Variants in SHANK2 observed in about 807,000 individuals in gnomAD.
SHANK2 encodes the protein SH3 and multiple ankyrin repeat domains 2.
In SHANK2, 43 loss-of-function variants were observed where a neutral mutation model predicts 133.7. The observed-to-expected ratio is 0.32, with a 90% CI of 0.25 to 0.41. The LOEUF is 0.41. Ranked by LOEUF, SHANK2 falls within the 10% of genes least tolerant of loss-of-function variation. The pLI is 1.00. For missense variants in SHANK2, 1,994 were observed against 2,235.8 expected (o/e 0.89, Z 2.18); for synonymous variants, 1,017 against 952.8 (o/e 1.07, Z -1.24).
At chr11:71,201,322 C>T (rs1322380345) in intron 2 of SHANK2, among the ~76,000 whole-genome samples, 18 of 152,210 alleles carry the variant, frequency 1.2e-4, no homozygotes, top group Admixed American at 1.0e-3. Flanking sequence ...ATATGGGATC[C>T]GTTGTGATCC....
chr11:70,904,633 G>C (rs782422634), intron 10 of SHANK2, among the ~76,000 whole-genome samples: 3 of 151,702 alleles, frequency 2.0e-5, no homozygotes, highest in Non-Finnish European at 4.4e-5. Flanking sequence ...TCAGCCTCCT[G>C]AGTAGCTGGG....
chr11:70,503,540 CT>C (rs2059091906), intron 17 of SHANK2, among the ~76,000 whole-genome samples: 2 of 152,244 alleles, frequency 1.3e-5, no homozygotes, highest in Admixed American at 1.3e-4. Flanking sequence ...TGTCCCTGTG[CT>C]GGTCTGTACA....
intron 6 of SHANK2, among the ~76,000 whole-genome samples, chr11:71,097,604 A>G (rs1482988259): frequency 6.6e-6 from 1 of 152,188 alleles, no homozygotes; most frequent in Admixed American, 6.5e-5. Flanking sequence ...CCCTCCAACT[A>G]GAGGCTGCCC....
At chr11:70,491,585 C>A (rs2058887890) in intron 22 of SHANK2, among the ~76,000 whole-genome samples, 1 of 152,238 alleles carries the variant, frequency 6.6e-6, no homozygotes, top group Non-Finnish European at 1.5e-5. Context: ...AAAAGCTAGA[C>A]ATAGGCAGTT....
chr11:71,229,915 T>C (rs1399038552), intron 1 of SHANK2, among the ~76,000 whole-genome samples: 1 of 152,146 alleles, frequency 6.6e-6, no homozygotes, highest in African/African-American at 2.4e-5. Context: ...TGTTCATGGA[T>C]TGGAAGACTC....
In SHANK2 at chr11:70,487,420, C is replaced by T. The variant is rs143740664; in HGVS notation, c.2873G>A (p.Arg958His). ...GAGGTCTTCAGAGTCCAAGGAGTAG[C>T]GGTCCAGCTCTCTCCTGAAGTACAT... The part of the protein sequence containing the change: ...KGMYFRRELD[R>H]YSLDSEDLYS... Residue 958 changes from arginine to histidine, a missense_variant, in exon 25 of 26, where the codon CGC (arginine) becomes CAC (histidine). Physicochemically the swap from Arg to His is conservative, Grantham distance 29. Around this residue, in one of 5 missense-constraint regions of SHANK2, gnomAD observed 488 missense variants for 642.6 expected, o/e 0.76. Transcript: ENST00000601538. This position sits in a 1 kb window ranked among gnomAD's most constrained non-coding sequence, Gnocchi z 5.8. The T allele has an allele frequency of 4.3e-6, 7 of 1,613,990 alleles. No homozygotes were observed. Among genetic ancestry groups the T allele is most frequent in the Admixed American group, 1.7e-5 (1 of 60,006 alleles).
intron 3 of SHANK2, among the ~76,000 whole-genome samples, chr11:71,145,383 G>GCA (rs1555106526): frequency 1.3e-5 from 2 of 152,236 alleles, no homozygotes; most frequent in African/African-American, 4.8e-5. Context: ...ATTCAAAGCT[G>GCA]TCCTGGGCTG....
chr11:70,886,548 T>G (rs1949748917), intron 11 of SHANK2, among the ~76,000 whole-genome samples: 1 of 152,200 alleles, frequency 6.6e-6, no homozygotes, highest in Non-Finnish European at 1.5e-5. Context: ...AGGAGCACAT[T>G]TCACAGTCAA....
At chr11:70,592,367 G>A (rs576862981) in intron 17 of SHANK2, among the ~76,000 whole-genome samples, 2 of 152,314 alleles carry the variant, frequency 1.3e-5, no homozygotes, top group Non-Finnish European at 2.9e-5. Context: ...GCTCCCACTC[G>A]GAGTGAGAGG....
intron 17 of SHANK2, among the ~76,000 whole-genome samples, chr11:70,605,268 G>A (rs782607834): frequency 9.2e-5 from 14 of 152,208 alleles, no homozygotes; most frequent in South Asian, 6.2e-4. Flanking sequence ...TGTGAGCCCC[G>A]GGGGTGGGAA....
At chr11:70,506,223 C>T (rs1469728305) in intron 17 of SHANK2, among the ~76,000 whole-genome samples, 2 of 152,192 alleles carry the variant, frequency 1.3e-5, no homozygotes, top group African/African-American at 4.8e-5. Context: ...GGTGGCACCT[C>T]CACACACTCA....
At chr11:70,713,374 A>G (rs1555026584) in intron 14 of SHANK2, among the ~76,000 whole-genome samples, 1 of 152,266 alleles carries the variant, frequency 6.6e-6, no homozygotes, top group East Asian at 1.9e-4. Context: ...AACACGGGTT[A>G]CAGTACTGAC....
At chr11:70,773,838 G>A (rs920249411) in intron 14 of SHANK2, among the ~76,000 whole-genome samples, 1 of 152,176 alleles carries the variant, frequency 6.6e-6, no homozygotes, top group African/African-American at 2.4e-5. Flanking sequence ...AGGTGTTGGC[G>A]AAGATGATGG....
Position 70,807,621 on chromosome 11 carries a change from C to T in SHANK2, c.1494-450G>A, listed in dbSNP as rs1173292547. 2.0e-5 allele frequency among the ~76,000 whole-genome samples: 3 copies of T among 152,104 alleles called. No individual in the cohort carries two copies. The highest frequency in any genetic ancestry group is 1.3e-4 in the Admixed American group (2 of 15,268). On this transcript the variant is annotated intron_variant, in intron 12 of 25. Transcript: ENST00000601538. The surrounding 1 kb of genome is among the most constrained non-coding windows in gnomAD (Gnocchi z 4.8). ...GAGGTGGGCAGACCACCTGAGATCA[C>T]GAGTTCGGGACCAGCACGGCCAACA...
intron 17 of SHANK2, among the ~76,000 whole-genome samples, chr11:70,561,513 T>A (rs534469948): frequency 1.4e-4 from 21 of 151,922 alleles, no homozygotes; most frequent in Admixed American, 1.3e-3. Context: ...GTGAGCTTAA[T>A]CACTTCTTCT....
intron 11 of SHANK2, among the ~76,000 whole-genome samples, chr11:70,834,974 C>A (rs1555059628): frequency 6.6e-6 from 1 of 152,104 alleles, no homozygotes; most frequent in African/African-American, 2.4e-5. Context: ...GCTTTAGGGC[C>A]AAGAACATGG....
chr11:70,531,774 G>A (rs1554973277), intron 17 of SHANK2, among the ~76,000 whole-genome samples: 1 of 152,188 alleles, frequency 6.6e-6, no homozygotes, highest in Non-Finnish European at 1.5e-5. Context: ...GGCTGGAAGT[G>A]GCTTCTCCAC....
chr11:70,728,725 A>T (rs1212836687), intron 14 of SHANK2, among the ~76,000 whole-genome samples: 1 of 152,226 alleles, frequency 6.6e-6, no homozygotes, highest in East Asian at 1.9e-4. Context: ...CCCCCAATTC[A>T]GGTTTGCTTT....
chr11:71,248,009 C>CG (rs1246454987), intron 1 of SHANK2, among the ~76,000 whole-genome samples: 2 of 152,214 alleles, frequency 1.3e-5, no homozygotes, highest in Non-Finnish European at 1.5e-5. Flanking sequence ...GAGCGAGCTG[C>CG]GTTTCAGCCA....
Sources: allele counts gnomAD v4.1 joint callset (sites outside exome capture counted in the v4.1 genomes callset), GRCh38; gene constraint gnomAD v4.1.1; regional missense constraint gnomAD v4.1.1; non-coding constraint Gnocchi (gnomAD v3.1); transcripts MANE v1.5; gene names NCBI Gene and HGNC (gene_info 2026-07-23, HGNC 2026-07-21).